The following PFKFB4 variants were observed in gnomAD, a reference collection of about 807,000 sequenced individuals.
PFKFB4 encodes 6-phosphofructo-2-kinase/fructose-2,6-bisphosphatase 4.
PFKFB4 carries 42 observed loss-of-function variants against 62.8 expected under a neutral mutation model. The ratio of observed to expected loss-of-function variants is 0.67; its 90% confidence interval spans 0.52 to 0.86. The LOEUF is 0.86. Among genes scored for constraint, PFKFB4 ranks in the 40% least tolerant of loss-of-function variants. PFKFB4 has a pLI of 0.00. For synonymous variants in PFKFB4, 204 were observed against 240.7 expected, an observed-to-expected ratio of 0.85 and a Z score of 1.41; for missense variants, 475 against 627.2, an observed-to-expected ratio of 0.76 and a Z score of 2.59.
chr3:48,529,745 G>A (rs1390525667), intron 9 of PFKFB4, among the ~76,000 whole-genome samples: 1 of 152,206 alleles, frequency 6.6e-6, no homozygotes, highest in Non-Finnish European at 1.5e-5. Flanking sequence ...CTTGAGTTCA[G>A]GAGTTTGAAA....
At position 48,549,918 on chromosome 3, in the gene PFKFB4, T is replaced by C. The variant is rs1179620862; in HGVS notation, c.257A>G (p.Tyr86Cys). 1 of 1,613,838 alleles carries C rather than the reference T, an allele frequency of 6.2e-7. No individual in the cohort carries two copies. Among genetic ancestry groups the C allele is most frequent in the East Asian group, 2.2e-5 (1 of 44,886 alleles). The stretch of plus-strand genomic sequence containing the variant: ...GGGGAGAAAAAATTCAAAAGATTTG[T>C]AGGTCTTGACCACGTCCCGGCGATA... ...GQYRRDVVKT[Y>C]KSFEFFLPDN... The change falls in exon 3 of 14, where the codon TAC becomes TGC. Residue 86 changes from tyrosine to cysteine, a missense_variant. Coordinates refer to ENST00000232375, the MANE Select transcript of PFKFB4 (RefSeq NM_004567.4).
chr3:48,525,136 G>A (rs776314863), intron 10 of PFKFB4, among the ~76,000 whole-genome samples: 24 of 152,144 alleles, frequency 1.6e-4, no homozygotes, highest in Non-Finnish European at 2.9e-4. Flanking sequence ...CCATTTGAGC[G>A]CCCCGGAAAG....
At position 48,519,585 on chromosome 3, in the gene PFKFB4, G is replaced by A. The variant is rs772263486; in HGVS notation, c.*162C>T. On this transcript the variant is annotated 3_prime_UTR_variant, in exon 14 of 14. Transcript: ENST00000232375. ...AACCTTGTCGCCGACTGTCAACAAAGAGCCAGGTGGGCTGGGGTGGGGGCT... is the reference window on the plus strand; with the variant it reads ...AACCTTGTCGCCGACTGTCAACAAAAAGCCAGGTGGGCTGGGGTGGGGGCT... The A allele has an allele frequency of 1.6e-6, 1 of 618,038 alleles. No individual in the cohort carries two copies. The highest frequency in any genetic ancestry group is 2.9e-6 in the Non-Finnish European group (1 of 345,306). The allele number at this position is 618,038 out of a possible 1,614,324, so 38.3% of individuals were successfully genotyped here.
At chr3:48,542,296 T>C (rs1575385945) in intron 4 of PFKFB4, among the ~76,000 whole-genome samples, 2 of 145,004 alleles carry the variant, frequency 1.4e-5, no homozygotes, top group East Asian at 4.1e-4. Flanking sequence ...ATCACGCCAC[T>C]GCACTCCAGC....
Position 48,521,898 on chromosome 3 carries a change from G to A in PFKFB4, c.1350+88C>T, listed in dbSNP as rs1174879886. On this transcript the variant is annotated intron_variant, in intron 13 of 13. Coordinates refer to ENST00000232375, the MANE Select transcript of PFKFB4 (RefSeq NM_004567.4). The surrounding 1 kb of genome is among the most constrained non-coding windows in gnomAD (Gnocchi z 5.3). ...ACTCAAGCTCCCTCTGGCAGGTGCCGCAGCTGGGCCTGGCCCTGGAGGATG... is the reference window on the plus strand; with the variant it reads ...ACTCAAGCTCCCTCTGGCAGGTGCCACAGCTGGGCCTGGCCCTGGAGGATG... The A allele has an allele frequency of 1.3e-5, 15 of 1,115,146 alleles. No homozygotes were observed. Among genetic ancestry groups the A allele is most frequent in the East Asian group, 9.4e-5 (4 of 42,644 alleles). The allele number at this position is 1,115,146 out of a possible 1,614,324, so 69.1% of individuals were successfully genotyped here.
intron 3 of PFKFB4, among the ~76,000 whole-genome samples, chr3:48,547,334 G>A (rs537841089): frequency 2.0e-5 from 3 of 152,192 alleles, no homozygotes; most frequent in East Asian, 3.9e-4. Context: ...TATGGTATAC[G>A]CATGTCCGGA....
chr3:48,539,718 A>G lies in PFKFB4; in HGVS notation c.432T>C (p.Phe144=). 6.2e-7 allele frequency: 1 copy of G among 1,614,134 alleles called. No individual in the cohort carries two copies. The highest frequency in any genetic ancestry group is 8.5e-7 in the Non-Finnish European group (1 of 1,179,986). Residue 144 remains phenylalanine, a synonymous_variant, in exon 5 of 14, where the codon TTT becomes TTC. Transcript: ENST00000232375. The part of the protein sequence containing the change: ...TRERRATIFN[F]GEQNGYKTFF... The stretch of plus-strand genomic sequence containing the variant: ...TCACCTTGTAGCCATTCTGTTCTCC[A>G]AAATTAAAGATGGTCGCTCTCCGTT...
intron 1 of PFKFB4, among the ~76,000 whole-genome samples, chr3:48,554,911 A>C (rs966556592): frequency 6.6e-6 from 1 of 152,074 alleles, no homozygotes; most frequent in African/African-American, 2.4e-5. Flanking sequence ...TTAGCCGGCC[A>C]TGGTGGCGCA....
In PFKFB4 at chr3:48,556,629, ACCC is replaced by A; in HGVS notation, c.97+49_97+51del. On this transcript the variant is annotated intron_variant, in intron 1 of 13. Coordinates refer to ENST00000232375, the MANE Select transcript of PFKFB4 (RefSeq NM_004567.4). This position sits in a 1 kb window ranked among gnomAD's most constrained non-coding sequence, Gnocchi z 5.7. ...GCGAGACCCCCGCCCAGGCCGCCCT[ACCC>A]ACCCATCCCGGTGCACCTCCCACCT... 1.3e-6 allele frequency: 2 copies of A among 1,496,350 alleles called. No homozygotes were observed. The highest frequency in any genetic ancestry group is 1.8e-6 in the Non-Finnish European group (2 of 1,109,510). 92.7% of individuals were successfully genotyped at this position (1,496,350 alleles called of 1,614,324 possible). A position where few individuals can be genotyped will look rare whatever the true frequency, so the allele number is the denominator to read the frequency against.
upstream of PFKFB4, among the ~76,000 whole-genome samples, chr3:48,560,711 A>G (rs899534562): frequency 3.9e-5 from 6 of 152,212 alleles, no homozygotes; most frequent in Admixed American, 3.9e-4. Flanking sequence ...GAGCCTCTAG[A>G]CTTCCCCAAA....
upstream of PFKFB4, chr3:48,561,225 C>T: frequency 2.1e-6 from 1 of 479,798 alleles, no homozygotes; most frequent in Non-Finnish European, 3.3e-6. This position sits in a 1 kb window ranked among gnomAD's most constrained non-coding sequence, Gnocchi z 5.2. Context: ...TGCAGCCCCG[C>T]CTCCCCAGCC....
chr3:48,563,037 GC>G (rs1358027078), upstream of PFKFB4: 2 of 1,611,966 alleles, frequency 1.2e-6, no homozygotes, highest in Admixed American at 3.3e-5. This position sits in a 1 kb window ranked among gnomAD's most constrained non-coding sequence, Gnocchi z 4.5. Context: ...TGAGGGCGGA[GC>G]TGGAAGGTTG....
upstream of PFKFB4, chr3:48,560,957 G>T: frequency 2.1e-6 from 1 of 470,798 alleles, no homozygotes; most frequent in Non-Finnish European, 3.1e-6. Context: ...AACCAGGAGA[G>T]ACCCCCCAAC....
At chr3:48,540,728 G>A (rs1218362043) in intron 4 of PFKFB4, among the ~76,000 whole-genome samples, 2 of 151,848 alleles carry the variant, frequency 1.3e-5, no homozygotes, top group East Asian at 3.9e-4. Context: ...TTTCGCCTCA[G>A]CCTCCCAAGT....
upstream of PFKFB4, among the ~76,000 whole-genome samples, chr3:48,557,263 C>T (rs1289683853): frequency 6.6e-6 from 1 of 152,192 alleles, no homozygotes; most frequent in Non-Finnish European, 1.5e-5. Flanking sequence ...GAGGGGTTTT[C>T]ATGCAGTGGG....
At chr3:48,557,175 C>T (rs1560184927), upstream of PFKFB4, among the ~76,000 whole-genome samples, 1 of 152,252 alleles carries the variant, frequency 6.6e-6, no homozygotes, top group African/African-American at 2.4e-5. Flanking sequence ...CGGGCTCCGC[C>T]CTGGCGCTGC....
chr3:48,557,071 C>T, upstream of PFKFB4: 2 of 916,488 alleles, frequency 2.2e-6, no homozygotes, highest in Non-Finnish European at 2.9e-6. Flanking sequence ...ACTGGTCCCG[C>T]CCCAGTTCAA....
upstream of PFKFB4, chr3:48,562,980 A>C: frequency 6.2e-7 from 1 of 1,608,250 alleles, no homozygotes; most frequent in Non-Finnish European, 8.5e-7. The surrounding 1 kb of genome is among the most constrained non-coding windows in gnomAD (Gnocchi z 4.3). Context: ...GGAGCAGCTG[A>C]GGGGCTCTCT....
chr3:48,536,223 C>T, intron 8 of PFKFB4, 33 bp downstream of exon 8: 1 of 1,588,792 alleles, frequency 6.3e-7, no homozygotes, highest in South Asian at 1.1e-5. Flanking sequence ...CAAATGCAGG[C>T]CCGTGTGCGC....
Sources: gnomAD v4.1 joint callset for allele counts (sites outside exome capture counted in the v4.1 genomes callset) on GRCh38, gnomAD v4.1.1 for gene constraint, Gnocchi (gnomAD v3.1) non-coding constraint, MANE v1.5 for transcripts, NCBI Gene and HGNC (gene_info 2026-07-23, HGNC 2026-07-21) for gene names.